CSNK1E: variants seen among roughly 807,000 people sequenced by gnomAD.
The protein encoded by CSNK1E is casein kinase 1 epsilon.
CSNK1E carries 17 observed loss-of-function variants against 46.1 expected under a neutral mutation model. That is an observed-to-expected ratio of 0.37 (90% CI 0.25 to 0.55). The LOEUF (loss-of-function observed/expected upper bound fraction) is 0.55. Ranked by LOEUF, CSNK1E falls within the 20% of genes least tolerant of loss-of-function variation. CSNK1E has a pLI of 0.82. For missense variants in CSNK1E, 386 were observed against 595.4 expected (o/e 0.65, Z 3.66); for synonymous variants, 241 against 242.6 (o/e 0.99, Z 0.06).
Position 38,314,128 on chromosome 22 carries a change from G to T in CSNK1E, c.30C>A (p.Arg10=), listed in dbSNP as rs201811069. 2,885 of 1,614,078 alleles carry T rather than the reference G, an allele frequency of 1.8e-3. 70 individuals carry two copies. In the South Asian group the frequency reaches 0.03, roughly 17 times the overall value. The part of the protein sequence containing the change: MELRVGNKY[R]LGRKIGSGSF... ...ACCCGCTCCCGATCTTCCGTCCCAG[G>T]CGGTACTTGTTCCCCACACGTAGCT... is the stretch of plus-strand genomic sequence containing the variant. Residue 10 remains arginine (R), a synonymous_variant, in exon 2 of 11, where the codon CGC becomes CGA. Coordinates refer to ENST00000396832, the MANE Select transcript of CSNK1E (RefSeq NM_152221.3).
Position 38,300,926 on chromosome 22 carries a change from G to A in CSNK1E, c.363C>T (p.Ser121=), listed in dbSNP as rs753474003. The part of the protein sequence containing the change: ...QMISRIEYIH[S]KNFIHRDVKP... The stretch of plus-strand genomic sequence containing the variant: ...TGACGTCCCGGTGGATGAAGTTCTT[G>A]GAGTGGATATACTCGATGCGGCTGA... The change falls in exon 5 of 11, where the codon TCC becomes TCT. Residue 121 remains serine, a synonymous_variant. Coordinates refer to ENST00000396832, the MANE Select transcript of CSNK1E (RefSeq NM_152221.3). This position sits in a 1 kb window ranked among gnomAD's most constrained non-coding sequence, Gnocchi z 4.4. 1 of 1,614,170 alleles carries A rather than the reference G, an allele frequency of 6.2e-7. No homozygotes were observed. Among genetic ancestry groups the A allele is most frequent in the Admixed American group, 1.7e-5 (1 of 60,028 alleles).
chr22:38,317,531 G>C (rs1466904285), upstream of CSNK1E: 1 of 152,896 alleles, frequency 6.5e-6, no homozygotes, highest in East Asian at 1.9e-4. Flanking sequence ...TAAAGGGCCC[G>C]CGCCCTCCGC....
At chr22:38,295,447 T>A in intron 7 of CSNK1E, 2 of 972,832 alleles carry the variant, frequency 2.1e-6, no homozygotes, top group Non-Finnish European at 2.4e-6. Context: ...GGGGGCCGCA[T>A]CTGTGGAGGA....
At chr22:38,297,010 G>A in intron 7 of CSNK1E, 1 of 677,560 alleles carries the variant, frequency 1.5e-6, no homozygotes, top group Non-Finnish European at 2.7e-6. Context: ...CTGACCTCAA[G>A]TCATCCGCCC....
rs1268582866 is a variant in CSNK1E at position 38,300,382 on chromosome 22, A to C, written c.566-317T>G. Among the ~76,000 whole-genome samples the C allele has an allele frequency of 1.3e-5, 2 of 152,208 alleles. No homozygotes were observed. Among genetic ancestry groups the C allele is most frequent in the African/African-American group, 4.8e-5 (2 of 41,442 alleles). ...GAGGTCACAAGCTTCAGCATCAGAC[A>C]GGGCCGGGGTCAAGTCCAGCTTTGG... On this transcript the variant is annotated intron_variant, in intron 5 of 10. Coordinates refer to ENST00000396832, the MANE Select transcript of CSNK1E (RefSeq NM_152221.3). The surrounding 1 kb of genome is among the most constrained non-coding windows in gnomAD (Gnocchi z 4.4).
chr22:38,302,065 T>A (rs2092675571), intron 4 of CSNK1E, among the ~76,000 whole-genome samples: 4 of 152,232 alleles, frequency 2.6e-5, no homozygotes, highest in African/African-American at 9.6e-5. Context: ...CTGAATGGTA[T>A]CTCACCTAAT....
chr22:38,308,133 T>C (rs1216941153), intron 2 of CSNK1E, among the ~76,000 whole-genome samples: 6 of 152,198 alleles, frequency 3.9e-5, no homozygotes, highest in African/African-American at 1.2e-4. Flanking sequence ...TTCACAGAAA[T>C]AGAATCAAAC....
At chr22:38,297,099 A>C in intron 7 of CSNK1E, 1 of 776,550 alleles carries the variant, frequency 1.3e-6, no homozygotes, top group South Asian at 1.4e-5. Flanking sequence ...GATTAATTTT[A>C]ATTCATTAAA....
In CSNK1E at chr22:38,294,097, G is replaced by A. The variant is rs780185588; in HGVS notation, c.1218+12C>T. On this transcript the variant is annotated intron_variant, in intron 9 of 10. Transcript: ENST00000396832. The surrounding 1 kb of genome is among the most constrained non-coding windows in gnomAD (Gnocchi z 5.5). ...TCTGAGGCCCAGAGGGACTGGCAGG[G>A]GGGCAGCTCACCTGTGAGGCTGGGA... 3.7e-6 allele frequency: 6 copies of A among 1,607,340 alleles called. 1 individual carries two copies. The South Asian group carries it at 6.6e-5, about 18-fold the overall frequency.
intron 1 of CSNK1E, 46 bp from the exon 2 acceptor site, chr22:38,314,215 G>C (rs2092733735): frequency 6.6e-7 from 1 of 1,512,078 alleles, no homozygotes; most frequent in African/African-American, 1.4e-5. Flanking sequence ...TGGGGAGCCG[G>C]GAAAGGGGTC....
intron 7 of CSNK1E, chr22:38,296,959 G>A: frequency 1.6e-6 from 1 of 611,598 alleles, no homozygotes; most frequent in Admixed American, 2.7e-5. Flanking sequence ...GTTTTTAGTA[G>A]AAATGGGTTT....
At position 38,303,015 on chromosome 22, in the gene CSNK1E, G is replaced by A. The variant is rs1353213137; in HGVS notation, c.188-6C>T. On this transcript the variant is annotated splice_polypyrimidine_tract_variant and splice_region_variant and intron_variant, in intron 3 of 10. Transcript: ENST00000396832. The surrounding 1 kb of genome is among the most constrained non-coding windows in gnomAD (Gnocchi z 4.7). ...CTTGATGGACGGGATCCCCACTGGG[G>A]GTCAAGCAGAGGGCCTCTGTCAGGG... The A allele has an allele frequency of 1.2e-6, 2 of 1,611,968 alleles. No homozygotes were observed. The highest frequency in any genetic ancestry group is 2.7e-5 in the African/African-American group (2 of 74,510).
At position 38,314,492 on chromosome 22, in the gene CSNK1E, G is replaced by A. The variant is rs55790746; in HGVS notation, c.-12-323C>T. ...GCCCTCTTACACCTCCTACCCCCCA[G>A]GCTCCCACAGCCTGGCCTGGTCTTC... On this transcript the variant is annotated intron_variant, in intron 1 of 10. Transcript: ENST00000396832. Among the ~76,000 whole-genome samples the A allele has an allele frequency of 5.9e-3, 900 of 152,268 alleles. 16 individuals carry two copies. Among genetic ancestry groups the A allele is most frequent in the African/African-American group, 0.021 (881 of 41,566 alleles).
At chr22:38,313,044 G>A (rs892147907) in intron 2 of CSNK1E, among the ~76,000 whole-genome samples, 3 of 152,172 alleles carry the variant, frequency 2.0e-5, no homozygotes, top group African/African-American at 7.2e-5. Context: ...ACCCTGCAAG[G>A]AAGTGGTCAG....
intron 2 of CSNK1E, among the ~76,000 whole-genome samples, chr22:38,313,703 C>T (rs192677598): frequency 1.3e-5 from 2 of 152,308 alleles, no homozygotes; most frequent in East Asian, 3.9e-4. Flanking sequence ...GCTAGGGGTC[C>T]AGCAGCAACC....
Position 38,298,734 on chromosome 22 carries a change from G to A in CSNK1E, c.885+52C>T. ...CAGCTCACTCTGGCCCTCTGAGTCA[G>A]GGCCTTCCCCATCCAGTCCCCCAAG... On this transcript the variant is annotated intron_variant, in intron 7 of 10. Transcript: ENST00000396832. The surrounding 1 kb of genome is among the most constrained non-coding windows in gnomAD (Gnocchi z 4.2). 1 of 1,607,844 alleles carries A rather than the reference G, an allele frequency of 6.2e-7. No homozygotes were observed. The highest frequency in any genetic ancestry group is 2.2e-5 in the East Asian group (1 of 44,766).
chr22:38,307,074 G>A (rs898831192), intron 2 of CSNK1E, among the ~76,000 whole-genome samples: 1 of 152,200 alleles, frequency 6.6e-6, no homozygotes, highest in African/African-American at 2.4e-5. Flanking sequence ...GGGAGGCTGA[G>A]GCAGGAGGAC....
At position 38,298,298 on chromosome 22, in the gene CSNK1E, C is replaced by T. The variant is rs901458035; in HGVS notation, c.885+488G>A. ...AATGCTGCTCCCCACCCAACCCCAC[C>T]CCTGGGACTCTTAAAAGAGGGAAAC... On this transcript the variant is annotated intron_variant, in intron 7 of 10. Coordinates refer to ENST00000396832, the MANE Select transcript of CSNK1E (RefSeq NM_152221.3). The surrounding 1 kb of genome is among the most constrained non-coding windows in gnomAD (Gnocchi z 4.2). The T allele has an allele frequency of 5.4e-6, 5 of 928,646 alleles. No individual in the cohort carries two copies. The highest frequency in any genetic ancestry group is 5.1e-5 in the Admixed American group (2 of 39,232). 57.5% of individuals were successfully genotyped at this position (928,646 alleles called of 1,614,324 possible). A position where few individuals can be genotyped will look rare whatever the true frequency, so the allele number is the denominator to read the frequency against.
rs1426799216 is a variant in CSNK1E, at chr22:38,314,184, G to A, written c.-12-15C>T. ...GCTCACTCTTGCTGCAGAGGAAGCA[G>A]GAACATGAGGGTCAGCGACGTGGGG... On this transcript the variant is annotated splice_polypyrimidine_tract_variant and intron_variant, in intron 1 of 10. Coordinates refer to ENST00000396832, the MANE Select transcript of CSNK1E (RefSeq NM_152221.3). 7.5e-6 allele frequency: 12 copies of A among 1,608,630 alleles called. No individual in the cohort carries two copies. Among genetic ancestry groups the A allele is most frequent in the Non-Finnish European group, 1.0e-5 (12 of 1,175,250 alleles).
Sources: gnomAD v4.1 joint callset for allele counts (sites outside exome capture counted in the v4.1 genomes callset) on GRCh38, gnomAD v4.1.1 for gene constraint, Gnocchi (gnomAD v3.1) non-coding constraint, MANE v1.5 for transcripts, NCBI Gene and HGNC (gene_info 2026-07-23, HGNC 2026-07-21) for gene names.